HECTD2: variants seen among roughly 807,000 people sequenced by gnomAD.
The protein encoded by HECTD2 is probable E3 ubiquitin-protein ligase HECTD2.
HECTD2 carries 35 observed loss-of-function variants against 103.2 expected under a neutral mutation model. The observed-to-expected ratio is 0.34, with a 90% CI of 0.26 to 0.45. HECTD2 has a LOEUF of 0.45. Ranked by LOEUF, HECTD2 falls within the 20% of genes least tolerant of loss-of-function variation. The probability of loss-of-function intolerance (pLI) is 1.00; values close to 1 mark genes in which losing one functional copy is unlikely to be tolerated. For missense variants in HECTD2, 596 were observed against 937.4 expected, an observed-to-expected ratio of 0.64 and a Z score of 4.76; for synonymous variants, 281 against 329.9, an observed-to-expected ratio of 0.85 and a Z score of 1.61.
At chr10:91,429,965 G>T (rs993624153) in intron 2 of HECTD2, among the ~76,000 whole-genome samples, 2 of 152,080 alleles carry the variant, frequency 1.3e-5, no homozygotes, top group African/African-American at 4.8e-5. Context: ...TTTTAACTGT[G>T]ATGTTAGGGT....
At chr10:91,481,633 G>T (rs1166053013) in intron 7 of HECTD2, among the ~76,000 whole-genome samples, 2 of 151,324 alleles carry the variant, frequency 1.3e-5, no homozygotes, top group Non-Finnish European at 3.0e-5. Flanking sequence ...CGAAGATAAT[G>T]AACTTTTTCC....
At chr10:91,456,544 T>C (rs1197020533) in intron 2 of HECTD2, among the ~76,000 whole-genome samples, 9 of 152,322 alleles carry the variant, frequency 5.9e-5, no homozygotes, top group African/African-American at 1.9e-4. Context: ...TGACTTCTTC[T>C]TTTCCTAATT....
At chr10:91,428,326 G>A (rs1264512535) in intron 2 of HECTD2, among the ~76,000 whole-genome samples, 1 of 151,186 alleles carries the variant, frequency 6.6e-6, no homozygotes, top group Non-Finnish European at 1.5e-5. Context: ...CTCCAGCTTT[G>A]TTCTTTTGGC....
intron 1 of HECTD2, among the ~76,000 whole-genome samples, chr10:91,419,823 T>G (rs573935664): frequency 6.6e-6 from 1 of 152,298 alleles, no homozygotes; most frequent in East Asian, 1.9e-4. Context: ...GCCCACTGTT[T>G]GTAGGCTGGC....
At chr10:91,459,379 A>G (rs1266784418) in intron 2 of HECTD2, among the ~76,000 whole-genome samples, 1 of 152,062 alleles carries the variant, frequency 6.6e-6, no homozygotes, top group Non-Finnish European at 1.5e-5. Flanking sequence ...AATAACCTCT[A>G]CACAAATGTT....
At chr10:91,430,450 C>T (rs1287840307) in intron 2 of HECTD2, among the ~76,000 whole-genome samples, 16 of 152,060 alleles carry the variant, frequency 1.1e-4, no homozygotes, top group Admixed American at 2.6e-4. Context: ...CTTTCTGTTT[C>T]GTTGATCTGT....
Position 91,498,961 on chromosome 10 carries a change from T to C in HECTD2, c.1843+2T>C. 6.3e-7 allele frequency: 1 copy of C among 1,574,898 alleles called. No homozygotes were observed. The highest frequency in any genetic ancestry group is 8.7e-7 in the Non-Finnish European group (1 of 1,146,122). On this transcript the variant is annotated splice_donor_variant, in intron 17 of 20. Coordinates refer to ENST00000298068, the MANE Select transcript of HECTD2 (RefSeq NM_182765.6). LOFTEE classifies it high-confidence loss of function. ...CAGTTACCAATCAAAATAGAAAAGG[T>C]AAGTTAATACCCTTTTTAATTAAAA...
At chr10:91,505,051 A>C (rs1847092647) in intron 20 of HECTD2, among the ~76,000 whole-genome samples, 1 of 152,054 alleles carries the variant, frequency 6.6e-6, no homozygotes, top group South Asian at 2.1e-4. Context: ...GAAATAAAAT[A>C]CTTTACAGAC....
intron 5 of HECTD2, among the ~76,000 whole-genome samples, chr10:91,470,606 A>T (rs1300761931): frequency 1.3e-5 from 2 of 152,164 alleles, no homozygotes; most frequent in South Asian, 4.2e-4. Flanking sequence ...GATCTCAAGT[A>T]AACATAATAT....
At chr10:91,493,334 TAGATG>T in intron 13 of HECTD2, 81 bp from the exon 14 acceptor site, 1 of 589,342 alleles carries the variant, frequency 1.7e-6, no homozygotes, top group Non-Finnish European at 2.8e-6. Context: ...TAGCTTCTAA[TAGATG>T]AGATGTCATG....
At chr10:91,480,538 T>A (rs1846055201) in intron 6 of HECTD2, among the ~76,000 whole-genome samples, 1 of 152,190 alleles carries the variant, frequency 6.6e-6, no homozygotes, top group East Asian at 1.9e-4. Flanking sequence ...CAAGAAACAC[T>A]CATTAGCCTT....
chr10:91,418,502 G>T (rs1363995217), intron 1 of HECTD2, among the ~76,000 whole-genome samples: 1 of 152,108 alleles, frequency 6.6e-6, no homozygotes, highest in South Asian at 2.1e-4. Context: ...TCCATTTAAA[G>T]ATATGATTTA....
intron 2 of HECTD2, among the ~76,000 whole-genome samples, chr10:91,445,439 T>G (rs1844559888): frequency 6.6e-6 from 1 of 152,132 alleles, no homozygotes; most frequent in Non-Finnish European, 1.5e-5. Flanking sequence ...AATTTTTAAT[T>G]AAATAAGTAA....
intron 1 of HECTD2, among the ~76,000 whole-genome samples, chr10:91,422,602 A>G (rs1843401152): frequency 6.6e-6 from 1 of 152,200 alleles, no homozygotes; most frequent in South Asian, 2.1e-4. Flanking sequence ...GGAATGATTT[A>G]CTTTTTCAAA....
At position 91,415,193 on chromosome 10, in the gene HECTD2, AGTGTGTGT is replaced by A. The variant is rs397846279; in HGVS notation, c.138+4648_138+4655del. ...GTCAATAGCATTCCAAATTAGAGAA[AGTGTGTGT>A]GTGTGTGTGTGTGTGTGTGTGTGTG... On this transcript the variant is annotated intron_variant, in intron 1 of 20. Coordinates refer to ENST00000298068, the MANE Select transcript of HECTD2 (RefSeq NM_182765.6). 2.1e-3 allele frequency among the ~76,000 whole-genome samples: 293 copies of A among 141,734 alleles called. 2 individuals are homozygous for A. The highest frequency in any genetic ancestry group is 7.1e-3 in the African/African-American group (268 of 37,916). The allele number at this position is 141,734 out of a possible 152,430, so 93.0% of individuals were successfully genotyped here.
At chr10:91,422,179 G>A (rs769393811) in intron 1 of HECTD2, among the ~76,000 whole-genome samples, 5 of 152,044 alleles carry the variant, frequency 3.3e-5, no homozygotes, top group Admixed American at 2.0e-4. Flanking sequence ...TCTGTAGCCT[G>A]AAGGCCTCAT....
At chr10:91,453,290 G>A (rs1844917725) in intron 2 of HECTD2, among the ~76,000 whole-genome samples, 1 of 152,056 alleles carries the variant, frequency 6.6e-6, no homozygotes, top group African/African-American at 2.4e-5. Flanking sequence ...AAATTAGTCA[G>A]GCTTTTGGTG....
chr10:91,501,388 C>T lies in HECTD2; in HGVS notation c.2210+54C>T, dbSNP rs571594630. The T allele has an allele frequency of 6.3e-6, 7 of 1,108,940 alleles. No homozygotes were observed. The South Asian group carries it at 7.8e-5, about 12-fold the overall frequency. 68.7% of individuals were successfully genotyped at this position (1,108,940 alleles called of 1,614,324 possible). ...AATCTAAAGGTTACTGCTAATACTG[C>T]TAATGATAATACATTTGGAATCAGG... On this transcript the variant is annotated intron_variant, in intron 20 of 20. Transcript: ENST00000298068.
intron 20 of HECTD2, among the ~76,000 whole-genome samples, chr10:91,505,029 A>ATAAG (rs1261616858): frequency 6.6e-6 from 1 of 152,212 alleles, no homozygotes; most frequent in Non-Finnish European, 1.5e-5. Context: ...ACTAAGCTTC[A>ATAAG]TAAGTGAAGA....
Sources: gnomAD v4.1 joint callset for allele counts (sites outside exome capture counted in the v4.1 genomes callset) on GRCh38, gnomAD v4.1.1 for gene constraint, MANE v1.5 for transcripts, NCBI Gene and HGNC (gene_info 2026-07-23, HGNC 2026-07-21) for gene names.